Variants in PDK3 observed in about 807,000 individuals in gnomAD.
PDK3 encodes the protein pyruvate dehydrogenase kinase 3, also known as pyruvate dehydrogenase kinase, isozyme 3.
Under a neutral mutation model 32.0 loss-of-function variants are expected in PDK3, and 12 were observed. The ratio of observed to expected loss-of-function variants is 0.37; its 90% CI spans 0.24 to 0.61. The LOEUF is 0.61. PDK3 is among the 20% of genes least tolerant of loss of function. PDK3 has a pLI of 0.65. For missense variants in PDK3, 188 were observed against 316.9 expected, an observed-to-expected ratio of 0.59 and a Z score of 3.09; for synonymous variants, 122 against 116.3, an observed-to-expected ratio of 1.05 and a Z score of -0.31.
chrX:24,474,625 G>T (rs1032695554), intron 1 of PDK3, among the ~76,000 whole-genome samples: 2 of 109,395 alleles, frequency 1.8e-5, no homozygotes, highest in African/African-American at 6.7e-5. Flanking sequence ...TCTTGGCCAG[G>T]CTGGTCTCGA....
chrX:24,495,650 C>T (rs1024181070), intron 2 of PDK3, among the ~76,000 whole-genome samples: 1 of 112,686 alleles, frequency 8.9e-6, no homozygotes, highest in Admixed American at 9.3e-5. Context: ...CCACTCTGGG[C>T]ACACCACCCT....
intron 9 of PDK3, among the ~76,000 whole-genome samples, chrX:24,528,415 C>T (rs1019677080): frequency 5.3e-5 from 6 of 112,369 alleles, no homozygotes; most frequent in African/African-American, 1.9e-4. Flanking sequence ...AGCTGAGTGC[C>T]TCATTCCCAT....
In PDK3 at chrX:24,494,772, A is replaced by G. The variant is rs2148188298; in HGVS notation, c.137A>G (p.Tyr46Cys). ...GRDNACEKTS[Y>C]MFLRKELPVR... ...GATAATGCATGTGAGAAAACTTCATATATGTTTCTACGAAAGGAACTTCCT... is the reference window on the plus strand; with the variant it reads ...GATAATGCATGTGAGAAAACTTCATGTATGTTTCTACGAAAGGAACTTCCT... The change falls in exon 2 of 11, where the codon TAT (tyrosine) becomes TGT (cysteine). Residue 46 changes from tyrosine to cysteine, a missense_variant. Transcript: ENST00000379162. 1.7e-6 allele frequency: 2 copies of G among 1,194,787 alleles called. No individual in the cohort carries two copies. Among genetic ancestry groups the G allele is most frequent in the Non-Finnish European group, 2.3e-6 (2 of 881,477 alleles).
At chrX:24,494,600 C>A (rs1921655464) in intron 1 of PDK3, 142 bp from the exon 2 acceptor site, 2 of 369,481 alleles carry the variant, frequency 5.4e-6, no homozygotes, top group South Asian at 1.6e-4. Context: ...CTTGCTATTT[C>A]AAAGGATAAA....
chrX:24,487,661 G>A (rs184293975), intron 1 of PDK3, among the ~76,000 whole-genome samples: 10 of 110,844 alleles, frequency 9.0e-5, no homozygotes, highest in African/African-American at 3.3e-4. Flanking sequence ...ATCAGAATGA[G>A]CTGGATCATT....
exon 12 of PDK3, chrX:24,549,837 G>A (rs1250312585): frequency 3.6e-5 from 4 of 111,838 alleles, no homozygotes; most frequent in Non-Finnish European, 7.5e-5. Context: ...ATATTTCCCA[G>A]ATCTAAAACA....
At chrX:24,466,161 C>T (rs1940062437) in intron 1 of PDK3, among the ~76,000 whole-genome samples, 2 of 110,680 alleles carry the variant, frequency 1.8e-5, no homozygotes, top group Non-Finnish European at 3.8e-5. Flanking sequence ...TCTAATACAA[C>T]TCTGGCTTTA....
In PDK3 at chrX:24,499,013, A is replaced by G. The variant is rs996385572; in HGVS notation, c.320+113A>G. The G allele has an allele frequency of 2.8e-5, 11 of 396,007 alleles. No individual in the cohort carries two copies. In the Admixed American group the frequency reaches 5.3e-4, roughly 19 times the overall value. 32.6% of individuals were successfully genotyped at this position (396,007 alleles called of 1,213,427 possible). On this transcript the variant is annotated intron_variant, in intron 3 of 10. Transcript: ENST00000379162. ...AGTATGAATGTGGACAAAAGCGTTC[A>G]TTTTCTTAATGAGTAGTGACTCAAC...
At position 24,534,102 on chromosome X, in the gene PDK3, T is replaced by C. The variant is rs1180391693; in HGVS notation, c.*30T>C. 1 of 1,172,904 alleles carries C rather than the reference T, an allele frequency of 8.5e-7. No homozygotes were observed. Among genetic ancestry groups the C allele is most frequent in the African/African-American group, 1.8e-5 (1 of 56,915 alleles). On this transcript the variant is annotated 3_prime_UTR_variant, in exon 11 of 11. Transcript: ENST00000379162. ...CCACCTTGATTTCCATTACAAAGTA[T>C]CTGATTTGTCTGAATAAAGGTGTCC... is the stretch of plus-strand genomic sequence containing the variant.
At chrX:24,494,688 A>T in intron 1 of PDK3, 54 bp from the exon 2 acceptor site, 1 of 980,412 alleles carries the variant, frequency 1.0e-6, no homozygotes, top group Non-Finnish European at 1.4e-6. Flanking sequence ...GGAGCACTTT[A>T]TTTCTCCATC....
intron 5 of PDK3, 84 bp downstream of exon 5, chrX:24,505,382 T>A: frequency 1.5e-6 from 1 of 653,858 alleles, no homozygotes; most frequent in South Asian, 2.7e-5. Context: ...AGGGTTATTT[T>A]GCAGTGCAGT....
downstream of PDK3, chrX:24,539,186 C>CT: frequency 9.3e-7 from 1 of 1,070,609 alleles, no homozygotes. Flanking sequence ...CTGTGGTCCT[C>CT]TCTGTGAAGA....
intron 3 of PDK3, among the ~76,000 whole-genome samples, chrX:24,502,712 C>T (rs910197853): frequency 1.8e-5 from 2 of 110,934 alleles, no homozygotes; most frequent in Non-Finnish European, 3.8e-5. Flanking sequence ...GGCGTGGTGG[C>T]GTACACCTGT....
At chrX:24,509,884 A>C (rs1269670020) in intron 5 of PDK3, among the ~76,000 whole-genome samples, 1 of 112,124 alleles carries the variant, frequency 8.9e-6, no homozygotes, top group African/African-American at 3.2e-5. Context: ...TTTGTACCCA[A>C]GCCCTTGGTG....
chrX:24,470,722 A>G (rs1920982988), intron 1 of PDK3, among the ~76,000 whole-genome samples: 1 of 109,038 alleles, frequency 9.2e-6, no homozygotes, highest in South Asian at 3.9e-4. Flanking sequence ...AAGAAAAGAA[A>G]AAAAGAAAAT....
intron 3 of PDK3, 144 bp downstream of exon 3, chrX:24,499,044 G>GT (rs11326170): frequency 0.039 from 10,477 of 268,746 alleles, no homozygotes; most frequent in East Asian, 0.062. Flanking sequence ...TCAACATTGA[G>GT]TTTTTTTTTT....
chrX:24,465,466 TC>T lies in PDK3; in HGVS notation c.13del (p.Arg5GlyfsTer4). 1 of 1,205,112 alleles carries T rather than the reference TC, an allele frequency of 8.3e-7. No individual in the cohort carries two copies. Among genetic ancestry groups the T allele is most frequent in the Non-Finnish European group, 1.1e-6 (1 of 891,303 alleles). On this transcript the variant is annotated frameshift_variant, in exon 1 of 11. Transcript: ENST00000379162. LOFTEE classifies it high-confidence loss of function. The part of the protein sequence containing the change: MRL[F>X]RWLLKQPVPK... ...GCCGCCCGGGCGAGGATGCGGCTGT[TC>T]CGGTGGCTGCTGAAGCAGCCGGTGC...
chrX:24,487,590 C>T (rs1921435638), intron 1 of PDK3, among the ~76,000 whole-genome samples: 1 of 111,697 alleles, frequency 9.0e-6, no homozygotes, highest in Admixed American at 9.6e-5. Context: ...ACATTGCCAA[C>T]TCAGACATTT....
At chrX:24,504,961 C>T (rs1415579798) in intron 4 of PDK3, among the ~76,000 whole-genome samples, 1 of 111,953 alleles carries the variant, frequency 8.9e-6, no homozygotes, top group Non-Finnish European at 1.9e-5. Context: ...GCACCTGGCA[C>T]GTGTCACTGC....
Sources: gnomAD v4.1 joint callset for allele counts (sites outside exome capture counted in the v4.1 genomes callset) on GRCh38, gnomAD v4.1.1 for gene constraint, MANE v1.5 for transcripts, NCBI Gene and HGNC (gene_info 2026-07-23, HGNC 2026-07-21) for gene names.